KCNIP4: variants seen among roughly 807,000 people sequenced by gnomAD.
The protein encoded by KCNIP4 is potassium voltage-gated channel interacting protein 4.
KCNIP4 carries 12 observed loss-of-function variants against 34.0 expected under a neutral mutation model. That is an observed-to-expected ratio of 0.35 (90% CI 0.23 to 0.57). The LOEUF (loss-of-function observed/expected upper bound fraction) is 0.57, where lower values mean the gene tolerates loss of function less well. Among genes scored for constraint, KCNIP4 ranks in the 20% least tolerant of loss-of-function variants. KCNIP4 has a pLI of 0.83. For synonymous variants in KCNIP4, 124 were observed against 102.2 expected (o/e 1.21, Z -1.29); for missense variants, 238 against 311.7 (o/e 0.76, Z 1.78).
At chr4:21,190,387 T>C (rs1755539640) in intron 1 of KCNIP4, among the ~76,000 whole-genome samples, 2 of 151,670 alleles carry the variant, frequency 1.3e-5, no homozygotes, top group African/African-American at 4.8e-5. Flanking sequence ...TCAGCAGTAT[T>C]GGTTAATATG....
chr4:21,112,843 T>C (rs1195762190), intron 1 of KCNIP4, among the ~76,000 whole-genome samples: 3 of 152,284 alleles, frequency 2.0e-5, no homozygotes, highest in Middle Eastern at 3.4e-3. Flanking sequence ...CTAGGATTGA[T>C]ATAACTATTT....
intron 1 of KCNIP4, among the ~76,000 whole-genome samples, chr4:20,982,785 T>G (rs1050103074): frequency 6.6e-6 from 1 of 152,190 alleles, no homozygotes; most frequent in African/African-American, 2.4e-5. Context: ...GCTCCTATAG[T>G]TAGAAAGATT....
At chr4:21,639,394 C>T (rs1746449795) in intron 1 of KCNIP4, among the ~76,000 whole-genome samples, 1 of 152,078 alleles carries the variant, frequency 6.6e-6, no homozygotes, top group Non-Finnish European at 1.5e-5. Context: ...TGAGAATCAA[C>T]AAATCTATAC....
At chr4:20,972,136 C>G (rs1020026667) in intron 1 of KCNIP4, among the ~76,000 whole-genome samples, 2 of 152,144 alleles carry the variant, frequency 1.3e-5, no homozygotes, top group Admixed American at 1.3e-4. Flanking sequence ...GTTATTTCTT[C>G]TAATGAATTA....
chr4:20,800,514 CAT>C (rs1448710607), intron 3 of KCNIP4, among the ~76,000 whole-genome samples: 1 of 152,076 alleles, frequency 6.6e-6, no homozygotes, highest in Non-Finnish European at 1.5e-5. Flanking sequence ...AGAGAATACA[CAT>C]AGGCGATTCA....
chr4:21,121,186 C>T (rs960470453), intron 1 of KCNIP4, among the ~76,000 whole-genome samples: 4 of 152,312 alleles, frequency 2.6e-5, no homozygotes, highest in Admixed American at 6.5e-5. Flanking sequence ...TACACAACCC[C>T]AGGTGACTCC....
At chr4:21,469,109 G>C (rs186155939) in intron 1 of KCNIP4, among the ~76,000 whole-genome samples, 1 of 151,786 alleles carries the variant, frequency 6.6e-6, no homozygotes, top group Non-Finnish European at 1.5e-5. Context: ...CTGTCTCCCA[G>C]GCTGGGATGA....
chr4:21,707,864 AG>A (rs1713405401), intron 1 of KCNIP4, among the ~76,000 whole-genome samples: 1 of 151,830 alleles, frequency 6.6e-6, no homozygotes, highest in African/African-American at 2.4e-5. Flanking sequence ...ATAAGAAAAA[AG>A]GATGAGACGT....
intron 1 of KCNIP4, among the ~76,000 whole-genome samples, chr4:21,170,897 T>C (rs1753977603): frequency 6.6e-6 from 1 of 152,224 alleles, no homozygotes; most frequent in Non-Finnish European, 1.5e-5. Flanking sequence ...AGATGAATCC[T>C]ATATCTCCAA....
chr4:20,934,864 G>A (rs1415258714), intron 1 of KCNIP4, among the ~76,000 whole-genome samples: 1 of 152,160 alleles, frequency 6.6e-6, no homozygotes, highest in Non-Finnish European at 1.5e-5. Context: ...AGCCCTGGAG[G>A]CTGGAAGTCT....
At chr4:21,586,919 C>A (rs1267825843) in intron 1 of KCNIP4, among the ~76,000 whole-genome samples, 6 of 151,936 alleles carry the variant, frequency 3.9e-5, no homozygotes, top group Non-Finnish European at 8.8e-5. Flanking sequence ...AGTAGTAGTT[C>A]CCACAAGGTA....
intron 1 of KCNIP4, among the ~76,000 whole-genome samples, chr4:21,420,740 T>C (rs1725386821): frequency 6.6e-6 from 1 of 152,144 alleles, no homozygotes; most frequent in Non-Finnish European, 1.5e-5. Flanking sequence ...TGAGCAAACT[T>C]TTTGATATAA....
chr4:20,736,692 G>A lies in KCNIP4; in HGVS notation c.430-1957C>T, dbSNP rs75653933. 2.2e-3 allele frequency among the ~76,000 whole-genome samples: 341 copies of A among 152,082 alleles called. 8 individuals are homozygous for A. The East Asian group carries it at 0.043, about 19-fold the overall frequency. ...TGAGAATATTTCAATTCGCTTTTAA[G>A]CATGATACTTACTTTTATCATGGTA... On this transcript the variant is annotated intron_variant, in intron 5 of 8. Transcript: ENST00000382152.
intron 1 of KCNIP4, among the ~76,000 whole-genome samples, chr4:21,626,117 G>A (rs1745303073): frequency 3.9e-5 from 6 of 152,010 alleles, no homozygotes; most frequent in Admixed American, 3.3e-4. Context: ...TCAATGAAAC[G>A]GAGTGTCCTG....
intron 1 of KCNIP4, among the ~76,000 whole-genome samples, chr4:21,858,428 C>A (rs1328111705): frequency 1.3e-5 from 2 of 152,158 alleles, no homozygotes; most frequent in Admixed American, 1.3e-4. Flanking sequence ...TGATTACTAG[C>A]ACAAGATAAA....
intron 6 of KCNIP4, among the ~76,000 whole-genome samples, chr4:20,733,095 T>A (rs1748736568): frequency 6.6e-6 from 1 of 152,208 alleles, no homozygotes; most frequent in Non-Finnish European, 1.5e-5. Flanking sequence ...AGACTTTAAG[T>A]AGACTATGTT....
At position 20,883,440 on chromosome 4, in the gene KCNIP4, A is replaced by G. The variant is rs2149525945; in HGVS notation, c.62-731T>C. ...GCAGATACCTGGAGATGACTCAAGA[A>G]AAATCAAAAGTGGCTGGACGGGTGA... On this transcript the variant is annotated intron_variant, in intron 1 of 8. Coordinates refer to ENST00000382152, the MANE Select transcript of KCNIP4 (RefSeq NM_025221.6). Among the ~76,000 whole-genome samples, 2 of 152,302 alleles carry G rather than the reference A, an allele frequency of 1.3e-5. 1 individual carries two copies. The highest frequency in any genetic ancestry group is 6.8e-3 in the Middle Eastern group (2 of 294).
At chr4:21,338,119 CA>C (rs1477280025) in intron 1 of KCNIP4, among the ~76,000 whole-genome samples, 1 of 151,876 alleles carries the variant, frequency 6.6e-6, no homozygotes, top group Non-Finnish European at 1.5e-5. Flanking sequence ...GAGAATGAAC[CA>C]AAATCCCTCC....
At chr4:21,641,512 T>G (rs1746615688) in intron 1 of KCNIP4, among the ~76,000 whole-genome samples, 1 of 152,218 alleles carries the variant, frequency 6.6e-6, no homozygotes, top group African/African-American at 2.4e-5. Flanking sequence ...AATGATGGTT[T>G]CTCTGGATGG....
Sources: gnomAD v4.1 joint callset for allele counts (sites outside exome capture counted in the v4.1 genomes callset) on GRCh38, gnomAD v4.1.1 for gene constraint, MANE v1.5 for transcripts, NCBI Gene and HGNC (gene_info 2026-07-23, HGNC 2026-07-21) for gene names.